The following ZNF423 variants were observed in gnomAD, a reference collection of about 807,000 sequenced individuals.
ZNF423 encodes Ebf-associated zinc finger protein.
Under a neutral mutation model 95.8 loss-of-function variants are expected in ZNF423, and 12 were observed. The ratio of observed to expected loss-of-function variants is 0.13; its 90% confidence interval spans 0.08 to 0.20. ZNF423 has a LOEUF of 0.20. Among genes scored for constraint, ZNF423 ranks in the 10% least tolerant of loss-of-function variants. The pLI, the probability that ZNF423 is intolerant of heterozygous loss-of-function variation, is 1.00. For synonymous variants in ZNF423, 749 were observed against 711.9 expected (o/e 1.05, Z -0.83); for missense variants, 1,316 against 1,737.1 (o/e 0.76, Z 4.31).
intron 5 of ZNF423, among the ~76,000 whole-genome samples, chr16:49,570,779 C>T (rs529801880): frequency 6.6e-6 from 1 of 152,300 alleles, no homozygotes; most frequent in Admixed American, 6.5e-5. Context: ...TAAAAGATTA[C>T]AGAAGTGCAA....
chr16:49,843,344 A>T (rs182064537), intron 1 of ZNF423, among the ~76,000 whole-genome samples: 2 of 152,328 alleles, frequency 1.3e-5, no homozygotes, highest in South Asian at 4.2e-4. Context: ...CATGGAACAG[A>T]TTTATATACT....
At chr16:49,552,495 C>T (rs1476955082) in intron 5 of ZNF423, among the ~76,000 whole-genome samples, 1 of 152,140 alleles carries the variant, frequency 6.6e-6, no homozygotes, top group Non-Finnish European at 1.5e-5. Context: ...GCCACTACTC[C>T]AGCTTGATAT....
chr16:49,543,394 C>T (rs1969322372), intron 5 of ZNF423, among the ~76,000 whole-genome samples: 1 of 152,098 alleles, frequency 6.6e-6, no homozygotes, highest in Non-Finnish European at 1.5e-5. Flanking sequence ...TCCGTGCCCA[C>T]TCCCCACCAC....
rs138181778 is a variant in ZNF423 at position 49,506,158 on chromosome 16, C to T, written c.3850-14854G>A. ...ATTAAGAGCACACGAAGAAGGCATC[C>T]GAAAAGCTGTGTGGTTCTTGACACG... On this transcript the variant is annotated intron_variant, in intron 7 of 7. Transcript: ENST00000563137. Among the ~76,000 whole-genome samples the T allele has an allele frequency of 1.0e-3, 152 of 152,214 alleles. 1 individual carries two copies. The highest frequency in any genetic ancestry group is 1.5e-3 in the Non-Finnish European group (102 of 68,018).
rs574651488 is a variant in ZNF423, at chr16:49,782,507, G to T, written c.100+6980C>A. ...TCTGATCACAGTGCGACACCAATAA[G>T]GTCTCAGGCTGCGGGTCCATCACGG... On this transcript the variant is annotated intron_variant, in intron 2 of 7. Transcript: ENST00000563137. 8.5e-5 allele frequency among the ~76,000 whole-genome samples: 13 copies of T among 152,346 alleles called. 1 individual carries two copies. In the East Asian group the frequency reaches 1.4e-3, roughly 16 times the overall value.
Position 49,635,933 on chromosome 16 carries a change from G to T in ZNF423, c.3243C>A (p.Phe1081Leu). The part of the protein sequence containing the change: ...LYKCALCLKE[F>L]RSKQDLVKLD... Reference sequence around the variant, plus strand: ...GCTTCACCAGGTCCTGCTTGCTGCGGAACTCCTTGAGGCACAGGGCGCACT... The same window carrying T: ...GCTTCACCAGGTCCTGCTTGCTGCGTAACTCCTTGAGGCACAGGGCGCACT... Residue 1081 changes from phenylalanine (F) to leucine (L), a missense_variant, in exon 4 of 8, where the codon TTC becomes TTA. Around this residue, in one of 6 missense-constraint regions of ZNF423, gnomAD observed 620 missense variants for 775.6 expected, o/e 0.80. Transcript: ENST00000563137. The surrounding 1 kb of genome is among the most constrained non-coding windows in gnomAD (Gnocchi z 4.8). 6.3e-7 allele frequency: 1 copy of T among 1,590,418 alleles called. No homozygotes were observed. The highest frequency in any genetic ancestry group is 8.6e-7 in the Non-Finnish European group (1 of 1,167,654).
rs1417377018 is a variant in ZNF423, at chr16:49,714,240, G to C, written c.301+16531C>G. ...ACACATGATGGTATGACGGTATGAC[G>C]AAGCACCCGGTGCTTACCTCCTTAT... On this transcript the variant is annotated intron_variant, in intron 3 of 7. Transcript: ENST00000563137. 2.6e-5 allele frequency among the ~76,000 whole-genome samples: 4 copies of C among 152,306 alleles called. No homozygotes were observed. The East Asian group carries it at 5.8e-4, about 22-fold the overall frequency.
At chr16:49,645,955 A>T (rs756884580) in intron 3 of ZNF423, among the ~76,000 whole-genome samples, 1 of 152,206 alleles carries the variant, frequency 6.6e-6, no homozygotes, top group Admixed American at 6.5e-5. Flanking sequence ...CCAGCCATGC[A>T]CAACTGTGAG....
At chr16:49,819,249 CAAAAAAA>C (rs34167954) in intron 1 of ZNF423, among the ~76,000 whole-genome samples, 1 of 72,722 alleles carries the variant, frequency 1.4e-5, no homozygotes, top group African/African-American at 5.7e-5. Context: ...GATTCCGTCT[CAAAAAAA>C]AAAAAAAAAA....
At chr16:49,822,817 C>T (rs2034961450) in intron 1 of ZNF423, 3 of 1,106,198 alleles carry the variant, frequency 2.7e-6, no homozygotes, top group African/African-American at 3.2e-5. Context: ...ACTTGTATAC[C>T]CATTTGACAG....
At chr16:49,684,050 A>T (rs1238428781) in intron 3 of ZNF423, among the ~76,000 whole-genome samples, 2 of 152,208 alleles carry the variant, frequency 1.3e-5, no homozygotes, top group African/African-American at 4.8e-5. Context: ...CAGCCTGGGC[A>T]GCAGAGCAAG....
intron 5 of ZNF423, among the ~76,000 whole-genome samples, chr16:49,531,021 T>TG (rs896172513): frequency 2.0e-5 from 3 of 152,184 alleles, no homozygotes; most frequent in South Asian, 2.1e-4. Flanking sequence ...TGTTTGAGCC[T>TG]GGGGGGTCCC....
Position 49,520,947 on chromosome 16 carries a change from G to A in ZNF423, c.3849+2677C>T, listed in dbSNP as rs541538973. On this transcript the variant is annotated intron_variant, in intron 7 of 7. Transcript: ENST00000563137. ...CATTAATTGCAGAAAATAGTGACTC[G>A]TTAAGGCTGTAATTTAGCGGTTTCT... Among the ~76,000 whole-genome samples, 768 of 152,312 alleles carry A rather than the reference G, an allele frequency of 5.0e-3. 4 individuals are homozygous for A. The highest frequency in any genetic ancestry group is 0.024 in the Middle Eastern group (7 of 294).
Position 49,637,903 on chromosome 16 carries a change from G to T in ZNF423, c.1273C>A (p.Arg425=), listed in dbSNP as rs772823132. ...AGCACGGCCAGGCTGTTAAAGTCCCGCTTGGAACAATAGGGGCAGCTATAG... is the reference window on the plus strand; with the variant it reads ...AGCACGGCCAGGCTGTTAAAGTCCCTCTTGGAACAATAGGGGCAGCTATAG... ...VVYSCPYCSK[R]DFNSLAVLEI... Residue 425 remains arginine (R), a synonymous_variant, in exon 4 of 8, where the codon CGG becomes AGG. Transcript: ENST00000563137. This position sits in a 1 kb window ranked among gnomAD's most constrained non-coding sequence, Gnocchi z 5.6. The T allele has an allele frequency of 6.2e-7, 1 of 1,614,148 alleles. No individual in the cohort carries two copies. The highest frequency in any genetic ancestry group is 8.5e-7 in the Non-Finnish European group (1 of 1,180,032).
chr16:49,732,868 G>A (rs1385643466), intron 2 of ZNF423, among the ~76,000 whole-genome samples: 2 of 152,212 alleles, frequency 1.3e-5, no homozygotes, highest in Admixed American at 6.5e-5. Context: ...GGCGGGGAAC[G>A]TTGCACGACA....
Position 49,675,897 on chromosome 16 carries a change from C to T in ZNF423, c.302-37023G>A, listed in dbSNP as rs182846575. On this transcript the variant is annotated intron_variant, in intron 3 of 7. Coordinates refer to ENST00000563137, the MANE Select transcript of ZNF423 (RefSeq NM_001379286.1). ...CATGCACATGTGTGTGTTCTGAACA[C>T]GTCCATGAGTGCTCCACACACAACA... is the stretch of plus-strand genomic sequence containing the variant. Among the ~76,000 whole-genome samples the T allele has an allele frequency of 7.9e-5, 12 of 152,366 alleles. No individual in the cohort carries two copies. In the East Asian group the frequency reaches 1.9e-3, roughly 24 times the overall value.
intron 2 of ZNF423, among the ~76,000 whole-genome samples, chr16:49,733,224 T>A (rs1461269520): frequency 6.8e-6 from 1 of 147,632 alleles, no homozygotes; most frequent in Non-Finnish European, 1.5e-5. Flanking sequence ...AAAAAAAAAA[T>A]GTTCTGTAGA....
chr16:49,539,903 G>A (rs2151735732), intron 5 of ZNF423, among the ~76,000 whole-genome samples: 1 of 152,320 alleles, frequency 6.6e-6, no homozygotes, highest in Non-Finnish European at 1.5e-5. Context: ...AGGCCCAGCA[G>A]CTCAGCCCCG....
Position 49,855,845 on chromosome 16 carries a change from GCCCTTCTCC to G in ZNF423, c.-80_-72del, listed in dbSNP as rs1254017112. The G allele has an allele frequency of 6.6e-6, 1 of 150,860 alleles. No homozygotes were observed. Among genetic ancestry groups the G allele is most frequent in the African/African-American group, 2.4e-5 (1 of 40,912 alleles). The allele number at this position is 150,860 out of a possible 1,614,324, so 9.3% of individuals were successfully genotyped here. ...CCGCCGCCCCCCGCCGCTCCGGGCA[GCCCTTCTCC>G]CCCTTCTCCTCCGCCTGTCTCTTGG... On this transcript the variant is annotated 5_prime_UTR_variant, in exon 1 of 8. Transcript: ENST00000563137. The surrounding 1 kb of genome is among the most constrained non-coding windows in gnomAD (Gnocchi z 4.7).
Sources: allele counts gnomAD v4.1 joint callset (sites outside exome capture counted in the v4.1 genomes callset), GRCh38; gene constraint gnomAD v4.1.1; regional missense constraint gnomAD v4.1.1; non-coding constraint Gnocchi (gnomAD v3.1); transcripts MANE v1.5; gene names NCBI Gene and HGNC (gene_info 2026-07-23, HGNC 2026-07-21).